Variants in HIPK2 observed in about 807,000 individuals in gnomAD.
HIPK2 encodes homeodomain interacting protein kinase 2.
Under a neutral mutation model 113.7 loss-of-function variants are expected in HIPK2, and 27 were observed. That is an observed-to-expected ratio of 0.24 (90% confidence interval 0.17 to 0.33). The LOEUF (loss-of-function observed/expected upper bound fraction) is 0.33, where lower values mean the gene tolerates loss of function less well. Among genes scored for constraint, HIPK2 ranks in the 10% least tolerant of loss-of-function variants. The pLI is 1.00. For synonymous variants in HIPK2, 631 were observed against 642.2 expected (o/e 0.98, Z 0.26); for missense variants, 1,257 against 1,588.0 (o/e 0.79, Z 3.54).
At chr7:139,667,985 G>A (rs1189484311) in intron 2 of HIPK2, among the ~76,000 whole-genome samples, 3 of 151,758 alleles carry the variant, frequency 2.0e-5, no homozygotes, top group Non-Finnish European at 2.9e-5. Context: ...AAAATTAGCC[G>A]GGTGTGATGG....
chr7:139,729,475 C>T (rs1234391412), intron 1 of HIPK2, among the ~76,000 whole-genome samples: 1 of 151,980 alleles, frequency 6.6e-6, no homozygotes, highest in Non-Finnish European at 1.5e-5. Context: ...GCCCCAAAAG[C>T]CACCTCAAGA....
rs535148270 is a variant in HIPK2 at position 139,571,583 on chromosome 7, T to A, written c.*1344A>T. 2.0e-5 allele frequency: 3 copies of A among 152,110 alleles called. No homozygotes were observed. The highest frequency in any genetic ancestry group is 7.2e-5 in the African/African-American group (3 of 41,400). 9.4% of individuals were successfully genotyped at this position (152,110 alleles called of 1,614,324 possible). Reference sequence around the variant, plus strand: ...GATCCACGGACTCTCTCCTAGCTCCTGCTGGCTTCCCTGGCATCCTTCCGC... The same window carrying A: ...GATCCACGGACTCTCTCCTAGCTCCAGCTGGCTTCCCTGGCATCCTTCCGC... On this transcript the variant is annotated 3_prime_UTR_variant, in exon 15 of 15. Coordinates refer to ENST00000406875, the MANE Select transcript of HIPK2 (RefSeq NM_022740.5).
Position 139,631,744 on chromosome 7 carries a change from A to G in HIPK2, c.1104-19T>C. The G allele has an allele frequency of 6.2e-7, 1 of 1,606,452 alleles. No homozygotes were observed. Among genetic ancestry groups the G allele is most frequent in the Non-Finnish European group, 8.5e-7 (1 of 1,176,656 alleles). ...AGGGGCCCTGAAAAGGAAGAATGGA[A>G]GAAACCATTAGCAAGTTGGAAATGC... is the stretch of plus-strand genomic sequence containing the variant. On this transcript the variant is annotated intron_variant, in intron 2 of 14. Coordinates refer to ENST00000406875, the MANE Select transcript of HIPK2 (RefSeq NM_022740.5). This position sits in a 1 kb window ranked among gnomAD's most constrained non-coding sequence, Gnocchi z 4.9.
intron 2 of HIPK2, among the ~76,000 whole-genome samples, chr7:139,670,846 C>G (rs1312647054): frequency 2.8e-5 from 4 of 144,078 alleles, no homozygotes; most frequent in Non-Finnish European, 6.0e-5. Flanking sequence ...TCACTGCCCT[C>G]TCCGCCTTCC....
Position 139,691,611 on chromosome 7 carries a change from C to A in HIPK2, c.1103+24321G>T, listed in dbSNP as rs1320613015. Among the ~76,000 whole-genome samples the A allele has an allele frequency of 2.0e-5, 3 of 152,224 alleles. No homozygotes were observed. The East Asian group carries it at 5.8e-4, about 29-fold the overall frequency. ...CCTTCACCTCATGAGCCCTCATAAA[C>A]CATGTGGGAAAAGTCTGGCACAGTG... On this transcript the variant is annotated intron_variant, in intron 2 of 14. Transcript: ENST00000406875.
chr7:139,669,715 T>C (rs1802194578), intron 2 of HIPK2, among the ~76,000 whole-genome samples: 1 of 151,526 alleles, frequency 6.6e-6, no homozygotes, highest in African/African-American at 2.4e-5. Flanking sequence ...TGTCAGATAC[T>C]TCACACACAC....
At chr7:139,772,468 A>G (rs1204750096) in intron 1 of HIPK2, among the ~76,000 whole-genome samples, 1 of 152,248 alleles carries the variant, frequency 6.6e-6, no homozygotes, top group East Asian at 1.9e-4. Flanking sequence ...AGTTACAGAC[A>G]GTAATATTTA....
rs761091212 is a variant in HIPK2 at position 139,583,799 on chromosome 7, G to A, written c.2965+18C>T. On this transcript the variant is annotated intron_variant, in intron 13 of 14. Coordinates refer to ENST00000406875, the MANE Select transcript of HIPK2 (RefSeq NM_022740.5). ...CTCTCCAGGGAGAGGTTCCTGCCCT[G>A]TCCTGGCCCCAAATTACCTGGCACC... The A allele has an allele frequency of 6.2e-7, 1 of 1,604,900 alleles. No homozygotes were observed. Among genetic ancestry groups the A allele is most frequent in the South Asian group, 1.1e-5 (1 of 89,326 alleles).
intron 2 of HIPK2, among the ~76,000 whole-genome samples, chr7:139,650,462 T>G (rs1021955211): frequency 6.6e-6 from 1 of 150,996 alleles, no homozygotes; most frequent in African/African-American, 2.4e-5. Context: ...TTTATTCCCT[T>G]CGGGTTTTTT....
chr7:139,709,784 A>G (rs1795008237), intron 2 of HIPK2, among the ~76,000 whole-genome samples: 1 of 152,210 alleles, frequency 6.6e-6, no homozygotes, highest in South Asian at 2.1e-4. Flanking sequence ...CTATTTCTTT[A>G]TAGCAGTGGT....
chr7:139,705,087 C>T (rs558825963), intron 2 of HIPK2, among the ~76,000 whole-genome samples: 4 of 152,220 alleles, frequency 2.6e-5, no homozygotes, highest in Non-Finnish European at 4.4e-5. Flanking sequence ...GTCTGATATA[C>T]GATGCTGGGC....
intron 12 of HIPK2, among the ~76,000 whole-genome samples, chr7:139,589,434 A>AAC (rs1468288761): frequency 1.3e-5 from 2 of 152,126 alleles, no homozygotes; most frequent in Non-Finnish European, 2.9e-5. Flanking sequence ...AAAAGACAAA[A>AAC]ACACACACTA....
rs536891341 is a variant in HIPK2 at position 139,714,873 on chromosome 7, C to T, written c.1103+1059G>A. 2.8e-4 allele frequency among the ~76,000 whole-genome samples: 42 copies of T among 152,326 alleles called. No homozygotes were observed. The highest frequency in any genetic ancestry group is 6.8e-3 in the Middle Eastern group (2 of 294). On this transcript the variant is annotated intron_variant, in intron 2 of 14. Coordinates refer to ENST00000406875, the MANE Select transcript of HIPK2 (RefSeq NM_022740.5). This position sits in a 1 kb window ranked among gnomAD's most constrained non-coding sequence, Gnocchi z 4.2. ...GCTGTGCACCCGCCATGGCCAGCCA[C>T]GGAGTGACACACCTAAGCCATGTTA...
chr7:139,743,022 A>G (rs1364848290), intron 1 of HIPK2, among the ~76,000 whole-genome samples: 1 of 152,178 alleles, frequency 6.6e-6, no homozygotes, highest in Non-Finnish European at 1.5e-5. Flanking sequence ...ACTAGTGGAG[A>G]TGGCTCTCTG....
At chr7:139,640,252 T>G (rs1343264506) in intron 2 of HIPK2, among the ~76,000 whole-genome samples, 1 of 152,210 alleles carries the variant, frequency 6.6e-6, no homozygotes, top group Non-Finnish European at 1.5e-5. Flanking sequence ...GAAAAACAAC[T>G]GTCATTTTGG....
intron 1 of HIPK2, chr7:139,722,084 G>T: frequency 2.2e-6 from 1 of 449,058 alleles, no homozygotes; most frequent in Non-Finnish European, 4.5e-6. Context: ...GTTCTTACAT[G>T]CTTGTTAATT....
intron 1 of HIPK2, among the ~76,000 whole-genome samples, chr7:139,761,817 C>G (rs7810028): frequency 0.32 from 48,113 of 151,848 alleles, 9,603 homozygotes; most frequent in African/African-American, 0.56. Flanking sequence ...AAGTTGGAGA[C>G]TGTCATCCAA....
At chr7:139,626,066 C>G (rs60937409) in intron 6 of HIPK2, among the ~76,000 whole-genome samples, 2,308 of 152,124 alleles carry the variant, frequency 0.015, 49 homozygotes, top group African/African-American at 0.051. Flanking sequence ...AGGCCAGGGA[C>G]CCAGTCCAGC....
chr7:139,634,787 C>T (rs775752843), intron 2 of HIPK2, among the ~76,000 whole-genome samples: 19 of 148,244 alleles, frequency 1.3e-4, no homozygotes, highest in East Asian at 3.9e-4. Context: ...AAGCGATTCT[C>T]GTGCCTCAGC....
Sources: allele counts gnomAD v4.1 joint callset (sites outside exome capture counted in the v4.1 genomes callset), GRCh38; gene constraint gnomAD v4.1.1; non-coding constraint Gnocchi (gnomAD v3.1); transcripts MANE v1.5; gene names NCBI Gene and HGNC (gene_info 2026-07-23, HGNC 2026-07-21).